ADAMTS19: variants seen among roughly 807,000 people sequenced by gnomAD.
ADAMTS19 encodes A disintegrin and metalloproteinase with thrombospondin motifs 19.
Under a neutral mutation model 153.3 loss-of-function variants are expected in ADAMTS19, and 93 were observed. The ratio of observed to expected loss-of-function variants is 0.61; its 90% CI spans 0.51 to 0.72. The LOEUF (loss-of-function observed/expected upper bound fraction) is 0.72, where lower values mean the gene tolerates loss of function less well. Among genes scored for constraint, ADAMTS19 ranks in the 30% least tolerant of loss-of-function variants. ADAMTS19 has a pLI of 0.00. For synonymous variants in ADAMTS19, 600 were observed against 556.6 expected (o/e 1.08, Z -1.10); for missense variants, 1,482 against 1,552.1 (o/e 0.95, Z 0.76).
At chr5:129,713,415 T>A (rs1756568903) in intron 21 of ADAMTS19, among the ~76,000 whole-genome samples, 2 of 152,276 alleles carry the variant, frequency 1.3e-5, no homozygotes, top group South Asian at 2.1e-4. Context: ...AAGAAAAGTA[T>A]ACAAATGATC....
chr5:129,713,294 T>G (rs532868816), intron 21 of ADAMTS19, among the ~76,000 whole-genome samples: 1 of 152,298 alleles, frequency 6.6e-6, no homozygotes, highest in South Asian at 2.1e-4. Context: ...TAACATTGAG[T>G]GTATTTTACT....
At chr5:129,476,831 G>C (rs1385039023) in intron 2 of ADAMTS19, among the ~76,000 whole-genome samples, 2 of 152,116 alleles carry the variant, frequency 1.3e-5, no homozygotes, top group African/African-American at 4.8e-5. Flanking sequence ...TCTCATTTTA[G>C]TAGCTCTTAC....
At chr5:129,478,612 T>A (rs533590269) in intron 2 of ADAMTS19, among the ~76,000 whole-genome samples, 10 of 152,272 alleles carry the variant, frequency 6.6e-5, no homozygotes, top group African/African-American at 2.2e-4. Flanking sequence ...AGCGGTGTGA[T>A]CATAGCTCAC....
Position 129,585,874 on chromosome 5 carries a change from GT to G in ADAMTS19, c.1373-10684del, listed in dbSNP as rs1257583605. On this transcript the variant is annotated intron_variant, in intron 7 of 22. Transcript: ENST00000274487. ...TCAGCTTTATTGTTGTTACTTTGAA[GT>G]GAAGTTTCCTTTTTCTCCTGGGCAC... 9.9e-5 allele frequency among the ~76,000 whole-genome samples: 15 copies of G among 152,268 alleles called. No homozygotes were observed. In the South Asian group the frequency reaches 3.1e-3, roughly 32 times the overall value.
chr5:129,501,719 A>G (rs527852782), intron 2 of ADAMTS19, among the ~76,000 whole-genome samples: 152 of 152,092 alleles, frequency 1.0e-3, no homozygotes, highest in African/African-American at 3.5e-3. Flanking sequence ...CAATTATAAA[A>G]TGGATGAAAT....
chr5:129,735,115 C>T lies in ADAMTS19; in HGVS notation c.3490+6C>T, dbSNP rs202075593. On this transcript the variant is annotated splice_donor_region_variant and intron_variant, in intron 22 of 22. Transcript: ENST00000274487. ...CATAACATCACCCAGACTGGGTAAGCAGACAAAAAAAAAAGATGCTTTTGA... is the reference window on the plus strand; with the variant it reads ...CATAACATCACCCAGACTGGGTAAGTAGACAAAAAAAAAAGATGCTTTTGA... 2.3e-4 allele frequency: 363 copies of T among 1,545,074 alleles called. 5 individuals are homozygous for T. In the East Asian group the frequency reaches 8.3e-3, roughly 35 times the overall value.
At chr5:129,511,986 G>GAGAA (rs1408275517) in intron 3 of ADAMTS19, among the ~76,000 whole-genome samples, 1 of 152,012 alleles carries the variant, frequency 6.6e-6, no homozygotes, top group Non-Finnish European at 1.5e-5. Flanking sequence ...ATAAAGGCAT[G>GAGAA]AGAAGGCATC....
chr5:129,561,307 A>G (rs1753504742), intron 7 of ADAMTS19, among the ~76,000 whole-genome samples: 1 of 152,178 alleles, frequency 6.6e-6, no homozygotes, highest in African/African-American at 2.4e-5. Flanking sequence ...CTTACCCAGA[A>G]TGAAGTTGAA....
intron 15 of ADAMTS19, 21 bp from the exon 16 acceptor site, chr5:129,665,478 A>T (rs1375488993): frequency 2.6e-6 from 4 of 1,550,534 alleles, no homozygotes; most frequent in Non-Finnish European, 3.5e-6. Context: ...GATTTATTTC[A>T]TGTTTTATTG....
chr5:129,699,697 C>G (rs1488711551), intron 19 of ADAMTS19, among the ~76,000 whole-genome samples: 1 of 152,076 alleles, frequency 6.6e-6, no homozygotes, highest in South Asian at 2.1e-4. Context: ...GAGGAATGGG[C>G]GTGGGGCTGG....
chr5:129,480,275 G>C (rs888164693), intron 2 of ADAMTS19, among the ~76,000 whole-genome samples: 1 of 152,074 alleles, frequency 6.6e-6, no homozygotes, highest in Admixed American at 6.6e-5. Context: ...CCTCACAACA[G>C]CCACAAACAT....
intron 7 of ADAMTS19, among the ~76,000 whole-genome samples, chr5:129,559,836 A>C (rs1753437014): frequency 6.6e-6 from 1 of 152,182 alleles, no homozygotes; most frequent in Non-Finnish European, 1.5e-5. Context: ...TTTTTAAAAC[A>C]CACAAGATGT....
intron 2 of ADAMTS19, among the ~76,000 whole-genome samples, chr5:129,507,959 C>A (rs1405237902): frequency 6.6e-6 from 1 of 151,760 alleles, no homozygotes; most frequent in Non-Finnish European, 1.5e-5. Context: ...AGATGCAATA[C>A]TAATAATTCA....
At chr5:129,720,174 A>ATATATATATATATATATAT (rs1463139553) in intron 21 of ADAMTS19, among the ~76,000 whole-genome samples, 18 of 113,312 alleles carry the variant, frequency 1.6e-4, no homozygotes, top group African/African-American at 3.8e-4. Flanking sequence ...ATATATATTT[A>ATATATATATATATATATAT]TTTTTTTTTT....
In ADAMTS19 at chr5:129,541,172, ATTTT is replaced by A. The variant is rs201932816; in HGVS notation, c.1329-10680_1329-10677del. The stretch of plus-strand genomic sequence containing the variant: ...TAGTGTTTCTGGATGAAATAACTAG[ATTTT>A]TTTTTTTTTTTGTAATGTGCTTTTT... On this transcript the variant is annotated intron_variant, in intron 6 of 22. Coordinates refer to ENST00000274487, the MANE Select transcript of ADAMTS19 (RefSeq NM_133638.6). 2.1e-5 allele frequency among the ~76,000 whole-genome samples: 3 copies of A among 144,364 alleles called. No homozygotes were observed. The Admixed American group carries it at 2.1e-4, about 10-fold the overall frequency. The allele number at this position is 144,364 out of a possible 152,430, so 94.7% of individuals were successfully genotyped here. A position where few individuals can be genotyped will look rare whatever the true frequency, so the allele number is the denominator to read the frequency against.
chr5:129,489,579 A>G (rs904727479), intron 2 of ADAMTS19, among the ~76,000 whole-genome samples: 1 of 152,204 alleles, frequency 6.6e-6, no homozygotes, highest in Non-Finnish European at 1.5e-5. Flanking sequence ...TACATTTTAC[A>G]TATAGCTAAA....
chr5:129,671,363 C>G (rs1754293853), intron 16 of ADAMTS19, among the ~76,000 whole-genome samples: 1 of 152,064 alleles, frequency 6.6e-6, no homozygotes, highest in South Asian at 2.1e-4. Flanking sequence ...ATGTAGGACA[C>G]ATGGATGAGG....
rs1751748943 is a variant in ADAMTS19 at position 129,620,866 on chromosome 5, C to G, written c.1619+108C>G. On this transcript the variant is annotated intron_variant, in intron 9 of 22. Coordinates refer to ENST00000274487, the MANE Select transcript of ADAMTS19 (RefSeq NM_133638.6). Reference sequence around the variant, plus strand: ...AAGTGGAAAGGCCACCAGAGTAAAACTGAAGGTACTTGGTTCCAATCCTGG... The same window carrying G: ...AAGTGGAAAGGCCACCAGAGTAAAAGTGAAGGTACTTGGTTCCAATCCTGG... The G allele has an allele frequency of 2.6e-6, 3 of 1,176,124 alleles. No individual in the cohort carries two copies. The Admixed American group carries it at 7.3e-5, about 29-fold the overall frequency. 72.9% of individuals were successfully genotyped at this position (1,176,124 alleles called of 1,614,324 possible).
chr5:129,724,606 A>G (rs1399787077), intron 21 of ADAMTS19, among the ~76,000 whole-genome samples: 3 of 152,198 alleles, frequency 2.0e-5, no homozygotes, highest in African/African-American at 7.2e-5. Context: ...CAGACACACA[A>G]TAAGTAAGCT....
Sources: gnomAD v4.1 joint callset for allele counts (sites outside exome capture counted in the v4.1 genomes callset) on GRCh38, gnomAD v4.1.1 for gene constraint, MANE v1.5 for transcripts, NCBI Gene and HGNC (gene_info 2026-07-23, HGNC 2026-07-21) for gene names.